CADM2: variants seen among roughly 807,000 people sequenced by gnomAD.
CADM2 encodes immunoglobulin superfamily member 4D.
In CADM2, 12 loss-of-function variants were observed where a neutral mutation model predicts 49.8. The observed-to-expected ratio is 0.24, with a 90% CI of 0.15 to 0.39. The LOEUF is 0.39. Among genes scored for constraint, CADM2 ranks in the 10% least tolerant of loss-of-function variants. The probability of loss-of-function intolerance (pLI) is 1.00; values close to 1 mark genes in which losing one functional copy is unlikely to be tolerated. For synonymous variants in CADM2, 214 were observed against 175.4 expected, an observed-to-expected ratio of 1.22 and a Z score of -1.74; for missense variants, 378 against 492.3, an observed-to-expected ratio of 0.77 and a Z score of 2.20.
intron 7 of CADM2, among the ~76,000 whole-genome samples, chr3:85,953,527 G>A (rs1432026693): frequency 3.3e-5 from 5 of 150,668 alleles, no homozygotes; most frequent in East Asian, 2.0e-4. Flanking sequence ...ATTAAACACC[G>A]TAATCAAGAG....
intron 8 of CADM2, among the ~76,000 whole-genome samples, chr3:86,061,965 T>C (rs1738698386): frequency 7.3e-6 from 1 of 137,582 alleles, no homozygotes. Flanking sequence ...GAGAAAAGAA[T>C]CCCTCAGGTG....
rs1304538952 is a variant in CADM2, at chr3:85,029,547, G to C, written c.61+69879G>C. On this transcript the variant is annotated intron_variant, in intron 1 of 9. Transcript: ENST00000383699. ...ATCTTGGACAGTATGAATTTGAAAG[G>C]TATATATATTGGAGGTGGCCAAGGC... Among the ~76,000 whole-genome samples the C allele has an allele frequency of 3.3e-5, 5 of 152,188 alleles. No homozygotes were observed. The East Asian group carries it at 9.6e-4, about 29-fold the overall frequency.
chr3:85,146,349 A>T (rs570696164), intron 1 of CADM2, among the ~76,000 whole-genome samples: 105 of 152,220 alleles, frequency 6.9e-4, no homozygotes, highest in African/African-American at 2.5e-3. Context: ...TGTCTCATTA[A>T]AGCATCATCA....
intron 1 of CADM2, among the ~76,000 whole-genome samples, chr3:85,375,511 T>C (rs1464355445): frequency 2.0e-5 from 3 of 152,188 alleles, no homozygotes; most frequent in Non-Finnish European, 4.4e-5. Context: ...TTGGAAATTA[T>C]TACAAGTATG....
At chr3:85,259,576 G>A (rs2042966829) in intron 1 of CADM2, among the ~76,000 whole-genome samples, 1 of 151,942 alleles carries the variant, frequency 6.6e-6, no homozygotes. Flanking sequence ...AACTTTATAT[G>A]CCACAAAATA....
chr3:85,716,554 G>C (rs1198302225), intron 1 of CADM2, among the ~76,000 whole-genome samples: 1 of 152,106 alleles, frequency 6.6e-6, no homozygotes, highest in Non-Finnish European at 1.5e-5. Flanking sequence ...ATTGTTTCTG[G>C]TGTTTTAATC....
At chr3:85,732,000 C>A (rs1437672540) in intron 2 of CADM2, among the ~76,000 whole-genome samples, 2 of 146,680 alleles carry the variant, frequency 1.4e-5, no homozygotes, top group South Asian at 4.3e-4. Context: ...GTGATCCCAG[C>A]AGTTTTGGAG....
intron 1 of CADM2, among the ~76,000 whole-genome samples, chr3:85,144,749 T>A (rs1309328870): frequency 6.6e-6 from 1 of 152,360 alleles, no homozygotes; most frequent in African/African-American, 2.4e-5. Flanking sequence ...GATATTTTTT[T>A]AATTTGATTC....
At chr3:85,349,480 T>C (rs955924107) in intron 1 of CADM2, among the ~76,000 whole-genome samples, 5 of 152,186 alleles carry the variant, frequency 3.3e-5, no homozygotes, top group African/African-American at 1.2e-4. Context: ...TTACTTTTGA[T>C]CCCCACTTCT....
At chr3:85,967,188 T>A (rs141939140) in intron 8 of CADM2, among the ~76,000 whole-genome samples, 66 of 151,758 alleles carry the variant, frequency 4.3e-4, no homozygotes, top group African/African-American at 1.5e-3. Flanking sequence ...TGTAGACACA[T>A]ATCGTTTTCA....
At chr3:85,865,064 G>T (rs910657772) in intron 3 of CADM2, among the ~76,000 whole-genome samples, 3 of 152,164 alleles carry the variant, frequency 2.0e-5, no homozygotes, top group Non-Finnish European at 2.9e-5. Flanking sequence ...GAGGCAGTTT[G>T]GTCAGTTCTT....
chr3:85,462,590 T>C (rs1479389076), intron 1 of CADM2, among the ~76,000 whole-genome samples: 1 of 152,172 alleles, frequency 6.6e-6, no homozygotes, highest in Non-Finnish European at 1.5e-5. Flanking sequence ...TTCTAAATCA[T>C]TCCAACACTT....
At chr3:85,663,557 TTC>T (rs1188130053) in intron 1 of CADM2, among the ~76,000 whole-genome samples, 2 of 152,034 alleles carry the variant, frequency 1.3e-5, no homozygotes, top group Non-Finnish European at 2.9e-5. Context: ...CTAAGCTGCT[TTC>T]TGTCTTGCTA....
At chr3:85,546,391 G>A (rs1354821383) in intron 1 of CADM2, among the ~76,000 whole-genome samples, 3 of 152,028 alleles carry the variant, frequency 2.0e-5, no homozygotes, top group Admixed American at 6.6e-5. Context: ...ACAGCTAATC[G>A]TGCCATCTCC....
At chr3:85,453,736 A>C (rs1251835380) in intron 1 of CADM2, among the ~76,000 whole-genome samples, 1 of 152,184 alleles carries the variant, frequency 6.6e-6, no homozygotes, top group Non-Finnish European at 1.5e-5. Context: ...TGAAAAGTTA[A>C]AGGAATTGTA....
chr3:85,469,793 AAC>A (rs2107606598), intron 1 of CADM2, among the ~76,000 whole-genome samples: 1 of 152,292 alleles, frequency 6.6e-6, no homozygotes, highest in South Asian at 2.1e-4. Context: ...TCCAAGTGTT[AAC>A]ACAGTCAGTT....
At chr3:85,370,583 G>T (rs867649273) in intron 1 of CADM2, among the ~76,000 whole-genome samples, 1 of 152,070 alleles carries the variant, frequency 6.6e-6, no homozygotes, top group African/African-American at 2.4e-5. Context: ...GTTATATAAA[G>T]TATGGCATAT....
chr3:86,034,890 C>T (rs569144351), intron 8 of CADM2, among the ~76,000 whole-genome samples: 1 of 151,966 alleles, frequency 6.6e-6, no homozygotes. Flanking sequence ...TAATATCTGG[C>T]CAATCTTTTA....
chr3:85,144,826 AAGAT>A (rs2039689046), intron 1 of CADM2, among the ~76,000 whole-genome samples: 1 of 152,234 alleles, frequency 6.6e-6, no homozygotes, highest in African/African-American at 2.4e-5. Context: ...TAAAAATTAC[AAGAT>A]AGATAAATAT....
Sources: allele counts gnomAD v4.1 joint callset (sites outside exome capture counted in the v4.1 genomes callset), GRCh38; gene constraint gnomAD v4.1.1; transcripts MANE v1.5; gene names NCBI Gene and HGNC (gene_info 2026-07-23, HGNC 2026-07-21).